Variants in NALF1 observed in about 807,000 individuals in gnomAD.
The protein encoded by NALF1 is NALCN channel auxiliary factor 1, also known as family with sequence similarity 155 member A.
In NALF1, 3 loss-of-function variants were observed where a neutral mutation model predicts 48.4. The observed-to-expected ratio is 0.06, with a 90% CI of 0.03 to 0.16. NALF1 has a LOEUF of 0.16. Among genes scored for constraint, NALF1 ranks in the 10% least tolerant of loss-of-function variants. The probability of loss-of-function intolerance (pLI) is 1.00; values close to 1 mark genes in which losing one functional copy is unlikely to be tolerated. For synonymous variants in NALF1, 262 were observed against 245.7 expected (o/e 1.07, Z -0.62); for missense variants, 526 against 571.5 (o/e 0.92, Z 0.81).
intron 1 of NALF1, among the ~76,000 whole-genome samples, chr13:107,402,086 T>C (rs1335519801): frequency 6.6e-6 from 1 of 152,138 alleles, no homozygotes; most frequent in Non-Finnish European, 1.5e-5. Context: ...GCTGATGGGA[T>C]GTCCTTTCCC....
chr13:107,844,420 G>C (rs1880119498), intron 1 of NALF1, among the ~76,000 whole-genome samples: 1 of 152,108 alleles, frequency 6.6e-6, no homozygotes, highest in Admixed American at 6.6e-5. Context: ...TCATTCTTAA[G>C]ATATACTTCA....
At chr13:107,437,550 G>A (rs1884483161) in intron 1 of NALF1, among the ~76,000 whole-genome samples, 1 of 152,152 alleles carries the variant, frequency 6.6e-6, no homozygotes, top group Non-Finnish European at 1.5e-5. Context: ...ACAAAAAGAT[G>A]TCTAGACATA....
chr13:107,233,654 A>C (rs1012509244), intron 1 of NALF1, among the ~76,000 whole-genome samples: 6 of 152,196 alleles, frequency 3.9e-5, no homozygotes, highest in African/African-American at 2.4e-5. Context: ...CAGAGTTGCA[A>C]AGGCTGATTT....
At chr13:107,358,881 T>TA (rs1350547808) in intron 1 of NALF1, among the ~76,000 whole-genome samples, 2 of 152,176 alleles carry the variant, frequency 1.3e-5, no homozygotes, top group African/African-American at 4.8e-5. Flanking sequence ...TATTGGCAGC[T>TA]ACTCTTTATG....
chr13:107,222,331 G>T (rs768430261), intron 1 of NALF1, among the ~76,000 whole-genome samples: 1 of 152,108 alleles, frequency 6.6e-6, no homozygotes, highest in Non-Finnish European at 1.5e-5. Flanking sequence ...TGTTTTAATT[G>T]TACTTGCTAA....
At chr13:107,177,285 C>A (rs1461936351) in intron 2 of NALF1, among the ~76,000 whole-genome samples, 1 of 152,248 alleles carries the variant, frequency 6.6e-6, no homozygotes. Flanking sequence ...AATGTCCATA[C>A]TACCCAAAGC....
chr13:107,448,308 TA>T (rs1884684009), intron 1 of NALF1, among the ~76,000 whole-genome samples: 2 of 152,240 alleles, frequency 1.3e-5, no homozygotes, highest in African/African-American at 4.8e-5. Context: ...GCAGATATAT[TA>T]AAGAGATAAT....
chr13:107,337,869 T>C (rs1285762720), intron 1 of NALF1, among the ~76,000 whole-genome samples: 2 of 152,142 alleles, frequency 1.3e-5, no homozygotes, highest in Non-Finnish European at 2.9e-5. Flanking sequence ...GCAATAATAA[T>C]AATAATCTTT....
chr13:107,620,884 C>T (rs887739655), intron 1 of NALF1, among the ~76,000 whole-genome samples: 2 of 152,108 alleles, frequency 1.3e-5, no homozygotes, highest in African/African-American at 2.4e-5. Flanking sequence ...GATCACTATC[C>T]GTGGCTCTTT....
At chr13:107,789,300 A>G (rs1305475875) in intron 1 of NALF1, among the ~76,000 whole-genome samples, 7 of 152,246 alleles carry the variant, frequency 4.6e-5, no homozygotes, top group Non-Finnish European at 7.3e-5. Context: ...AATTACAACA[A>G]TAAGTACAGA....
intron 1 of NALF1, among the ~76,000 whole-genome samples, chr13:107,535,611 T>C (rs995771039): frequency 6.6e-6 from 1 of 152,164 alleles, no homozygotes; most frequent in Non-Finnish European, 1.5e-5. Flanking sequence ...TCCATGCTCA[T>C]GGATATGAAG....
chr13:107,769,756 T>C (rs1877525149), intron 1 of NALF1, among the ~76,000 whole-genome samples: 1 of 151,968 alleles, frequency 6.6e-6, no homozygotes, highest in African/African-American at 2.4e-5. Flanking sequence ...TTAACCCTTA[T>C]ATAATCCACC....
Position 107,255,698 on chromosome 13 carries a change from A to G in NALF1, c.916-44943T>C, listed in dbSNP as rs61965519. Among the ~76,000 whole-genome samples, 800 of 152,350 alleles carry G rather than the reference A, an allele frequency of 5.3e-3. 4 individuals carry two copies. Among genetic ancestry groups the G allele is most frequent in the Non-Finnish European group, 8.9e-3 (606 of 68,036 alleles). The stretch of plus-strand genomic sequence containing the variant: ...CAGTATCTAATGCTCACAAATGCTC[A>G]TAACAGCCTTTAATGTTGTTATTAT... On this transcript the variant is annotated intron_variant, in intron 1 of 2. Transcript: ENST00000375915.
intron 1 of NALF1, among the ~76,000 whole-genome samples, chr13:107,704,337 G>C (rs1343638229): frequency 6.6e-6 from 1 of 151,702 alleles, no homozygotes; most frequent in African/African-American, 2.4e-5. Flanking sequence ...CTTTCTTTTT[G>C]AATTCTGAAT....
At chr13:107,764,455 G>A (rs1296881088) in intron 1 of NALF1, among the ~76,000 whole-genome samples, 3 of 152,154 alleles carry the variant, frequency 2.0e-5, no homozygotes, top group East Asian at 1.9e-4. Flanking sequence ...TTGTGCGTAC[G>A]TATGTAGACA....
At chr13:107,807,150 T>C (rs1016916798) in intron 1 of NALF1, among the ~76,000 whole-genome samples, 2 of 152,192 alleles carry the variant, frequency 1.3e-5, no homozygotes, top group African/African-American at 4.8e-5. Flanking sequence ...TATAAAATAT[T>C]CAGTATGTAA....
intron 1 of NALF1, among the ~76,000 whole-genome samples, chr13:107,586,144 C>T (rs549859108): frequency 6.6e-6 from 1 of 152,090 alleles, no homozygotes; most frequent in South Asian, 2.1e-4. Flanking sequence ...GGCCCAGGTA[C>T]CTCATAGAAT....
intron 1 of NALF1, among the ~76,000 whole-genome samples, chr13:107,712,172 C>T (rs1324984518): frequency 3.3e-5 from 5 of 152,132 alleles, no homozygotes; most frequent in African/African-American, 1.2e-4. Context: ...CTCAATTTGG[C>T]AATTAGGATC....
At chr13:107,674,775 G>A (rs993916839) in intron 1 of NALF1, among the ~76,000 whole-genome samples, 16 of 152,186 alleles carry the variant, frequency 1.1e-4, no homozygotes, top group Admixed American at 8.5e-4. Flanking sequence ...CATAGAAGAG[G>A]AAGGGTTTCT....
Sources: gnomAD v4.1 joint callset for allele counts (sites outside exome capture counted in the v4.1 genomes callset) on GRCh38, gnomAD v4.1.1 for gene constraint, MANE v1.5 for transcripts, NCBI Gene and HGNC (gene_info 2026-07-23, HGNC 2026-07-21) for gene names.